The following DNAJC13 variants were observed in gnomAD, a reference collection of about 807,000 sequenced individuals.
The protein encoded by DNAJC13 is DnaJ heat shock protein family (Hsp40) member C13, also known as dnaJ homolog subfamily C member 13.
A neutral mutation model predicts 290.5 loss-of-function variants in DNAJC13; 75 were observed. The ratio of observed to expected loss-of-function variants is 0.26; its 90% CI spans 0.21 to 0.31. The LOEUF (loss-of-function observed/expected upper bound fraction) is 0.31, where lower values mean the gene tolerates loss of function less well. Ranked by LOEUF, DNAJC13 falls within the 10% of genes least tolerant of loss-of-function variation. DNAJC13 has a pLI of 1.00. For synonymous variants in DNAJC13, 862 were observed against 892.0 expected, an observed-to-expected ratio of 0.97 and a Z score of 0.60; for missense variants, 2,260 against 2,674.5, an observed-to-expected ratio of 0.85 and a Z score of 3.42.
chr3:132,527,585 TC>T (rs879854455), intron 53 of DNAJC13, among the ~76,000 whole-genome samples: 1 of 152,210 alleles, frequency 6.6e-6, no homozygotes, highest in Non-Finnish European at 1.5e-5. Context: ...AGATTTCTCA[TC>T]TGTAAAATAA....
intron 53 of DNAJC13, among the ~76,000 whole-genome samples, chr3:132,526,646 T>G (rs2107749012): frequency 6.6e-6 from 1 of 152,342 alleles, no homozygotes; most frequent in African/African-American, 2.4e-5. Flanking sequence ...TAAAATGTGC[T>G]TCATCCTCTT....
chr3:132,523,337 A>G lies in DNAJC13; in HGVS notation c.5886+138A>G, dbSNP rs528472798. ...TATTCCCCTGGAAAATAAGGCTTCA[A>G]ACATAAAAATTGGAATACTTACTTT... is the stretch of plus-strand genomic sequence containing the variant. On this transcript the variant is annotated intron_variant, in intron 50 of 55. Transcript: ENST00000260818. 15 of 1,233,604 alleles carry G rather than the reference A, an allele frequency of 1.2e-5. No individual in the cohort carries two copies. The South Asian group carries it at 1.3e-4, about 11-fold the overall frequency. The allele number at this position is 1,233,604 out of a possible 1,614,324, so 76.4% of individuals were successfully genotyped here.
In DNAJC13 at chr3:132,466,062, C is replaced by T. The variant is rs776679061; in HGVS notation, c.1960C>T (p.Arg654Cys). The T allele has an allele frequency of 5.6e-6, 9 of 1,613,324 alleles. No individual in the cohort carries two copies. The African/African-American group carries it at 8.0e-5, about 14-fold the overall frequency. Residue 654 changes from arginine (R) to cysteine (C), a missense_variant, in exon 18 of 56, where the codon CGC becomes TGC. By Grantham distance (180) the Arg-to-Cys change is radical. This residue lies in a region of DNAJC13 where 762 missense variants were observed against 964.1 expected (regional missense o/e 0.79). Transcript: ENST00000260818. ...DNATATNLLK[R>C]ILPPGLLAYL... Reference sequence around the variant, plus strand: ...TGCAACTGCAACAAACTTGTTGAAACGCATTTTGGTAAGTCAGTTGAGAAA... The same window carrying T: ...TGCAACTGCAACAAACTTGTTGAAATGCATTTTGGTAAGTCAGTTGAGAAA...
At chr3:132,434,515 G>T (rs1049541177) in intron 1 of DNAJC13, 23 bp from the exon 2 acceptor site, 6 of 1,527,848 alleles carry the variant, frequency 3.9e-6, no homozygotes, top group Non-Finnish European at 3.6e-6. Context: ...TGTACTAAGT[G>T]CCCTCATATT....
chr3:132,470,786 C>T (rs1325827890), intron 20 of DNAJC13, among the ~76,000 whole-genome samples: 10 of 123,438 alleles, frequency 8.1e-5, no homozygotes, highest in Non-Finnish European at 6.9e-5. Context: ...GCTGGCCGGG[C>T]GGAGGGCTGA....
In DNAJC13 at chr3:132,475,130, A is replaced by G. The variant is rs752279553; in HGVS notation, c.2445+45A>G. On this transcript the variant is annotated intron_variant, in intron 22 of 55. Coordinates refer to ENST00000260818, the MANE Select transcript of DNAJC13 (RefSeq NM_015268.4). ...GTATATTAATCTTAAAAAATAAAGC[A>G]TGTACTATTTGGGGAGTGATTTTTT... 8 of 1,440,140 alleles carry G rather than the reference A, an allele frequency of 5.6e-6. No homozygotes were observed. The African/African-American group carries it at 1.0e-4, about 18-fold the overall frequency. The allele number at this position is 1,440,140 out of a possible 1,614,324, so 89.2% of individuals were successfully genotyped here. A position where few individuals can be genotyped will look rare whatever the true frequency, so the allele number is the denominator to read the frequency against.
Position 132,466,394 on chromosome 3 carries a change from G to A in DNAJC13, c.2064G>A (p.Met688Ile). 6.3e-7 allele frequency: 1 copy of A among 1,590,754 alleles called. No homozygotes were observed. The highest frequency in any genetic ancestry group is 1.2e-5 in the South Asian group (1 of 86,040). ...TTAGAGACAATGTGAAAATAGCAAT[G>A]GTAAATATGACTGTCCCAAGTGTGC... ...MHVRDNVKIA[M>I]DQYGKFNKVP... The change falls in exon 19 of 56, where the codon ATG (methionine) becomes ATA (isoleucine). Residue 688 changes from methionine to isoleucine, a missense_variant and splice_region_variant. By Grantham distance (10) the Met-to-Ile change is conservative. Transcript: ENST00000260818.
At chr3:132,474,801 T>C in intron 21 of DNAJC13, 131 bp from the exon 22 acceptor site, 1 of 483,564 alleles carries the variant, frequency 2.1e-6, no homozygotes, top group Non-Finnish European at 3.4e-6. Context: ...TACTTACATT[T>C]GCTAAAATCT....
chr3:132,447,832 A>C (rs1933301332), intron 4 of DNAJC13, 66 bp from the exon 5 acceptor site: 2 of 1,291,074 alleles, frequency 1.5e-6, no homozygotes, highest in East Asian at 2.3e-5. Context: ...TTTGAGTAGA[A>C]GGGAGTGAGC....
intron 1 of DNAJC13, among the ~76,000 whole-genome samples, chr3:132,424,049 T>A (rs1384315544): frequency 6.6e-6 from 1 of 152,178 alleles, no homozygotes; most frequent in African/African-American, 2.4e-5. Context: ...AGCCAGGTTA[T>A]GCTTCAAAGA....
chr3:132,499,451 C>T, intron 37 of DNAJC13, 141 bp downstream of exon 37: 1 of 811,572 alleles, frequency 1.2e-6, no homozygotes, highest in South Asian at 2.2e-5. Flanking sequence ...TATTCTTATA[C>T]CAAATTAAAG....
Position 132,513,223 on chromosome 3 carries a change from GAC to G in DNAJC13, c.5385+128_5385+129del, listed in dbSNP as rs1935830906. The G allele has an allele frequency of 8.2e-6, 6 of 734,038 alleles. No individual in the cohort carries two copies. The South Asian group carries it at 1.0e-4, about 12-fold the overall frequency. The allele number at this position is 734,038 out of a possible 1,614,324, so 45.5% of individuals were successfully genotyped here. A position where few individuals can be genotyped will look rare whatever the true frequency, so the allele number is the denominator to read the frequency against. On this transcript the variant is annotated intron_variant, in intron 45 of 55. Coordinates refer to ENST00000260818, the MANE Select transcript of DNAJC13 (RefSeq NM_015268.4). ...TTTGTTGCATCATTTTGCCTATTAA[GAC>G]ACATCAATATTTTTTGAAATTTGAA...
intron 21 of DNAJC13, chr3:132,474,472 C>A (rs749661936): frequency 2.6e-5 from 4 of 152,278 alleles, no homozygotes; most frequent in Non-Finnish European, 5.9e-5. Context: ...GAACGCCTGA[C>A]CTCATGATCC....
chr3:132,473,029 T>C, intron 20 of DNAJC13, 116 bp from the exon 21 acceptor site: 1 of 693,768 alleles, frequency 1.4e-6, no homozygotes. Context: ...TTAATTTTTG[T>C]TTCTGTCAAA....
intron 1 of DNAJC13, among the ~76,000 whole-genome samples, chr3:132,420,276 T>C (rs750024236): frequency 1.3e-5 from 2 of 152,188 alleles, no homozygotes; most frequent in African/African-American, 2.4e-5. Flanking sequence ...AACAGAACTT[T>C]TAAGAGGGTC....
chr3:132,513,542 T>A (rs1935839420), intron 45 of DNAJC13, among the ~76,000 whole-genome samples: 1 of 152,140 alleles, frequency 6.6e-6, no homozygotes. Context: ...CAGTTGAAAC[T>A]CCCTTCTTAC....
intron 29 of DNAJC13, among the ~76,000 whole-genome samples, chr3:132,486,117 TCTGTTATTTAAGCATACTCACA>T (rs1934867335): frequency 6.8e-6 from 1 of 148,104 alleles, no homozygotes. Flanking sequence ...TTTGCCAATT[TCTGTTATTTAAGCATACTCACA>T]TTTTAACATT....
chr3:132,487,581 C>CTTTTTTTTTTTTTTTTTTTTT (rs1934922655), intron 29 of DNAJC13, among the ~76,000 whole-genome samples: 1 of 46,846 alleles, frequency 2.1e-5, no homozygotes, highest in African/African-American at 2.8e-4. Context: ...TTTTTTTTTA[C>CTTTTTTTTTTTTTTTTTTTTT]TGGGAGCATT....
intron 2 of DNAJC13, 80 bp downstream of exon 2, chr3:132,434,698 A>G (rs542434759): frequency 1.0e-5 from 12 of 1,162,276 alleles, no homozygotes; most frequent in Non-Finnish European, 1.3e-5. Flanking sequence ...ATCTTGAATA[A>G]TACTGCACAA....
Sources: allele counts gnomAD v4.1 joint callset (sites outside exome capture counted in the v4.1 genomes callset), GRCh38; gene constraint gnomAD v4.1.1; regional missense constraint gnomAD v4.1.1; transcripts MANE v1.5; gene names NCBI Gene and HGNC (gene_info 2026-07-23, HGNC 2026-07-21).